Variants in EPC2 observed in about 807,000 individuals in gnomAD.
EPC2 encodes the protein enhancer of polycomb homolog 2.
In EPC2, 14 loss-of-function variants were observed where a neutral mutation model predicts 92.1. That is an observed-to-expected ratio of 0.15 (90% CI 0.10 to 0.24). The LOEUF (loss-of-function observed/expected upper bound fraction) is 0.24. Among genes scored for constraint, EPC2 ranks in the 10% least tolerant of loss-of-function variants. The probability of loss-of-function intolerance (pLI) is 1.00; values close to 1 mark genes in which losing one functional copy is unlikely to be tolerated. For missense variants in EPC2, 755 were observed against 971.5 expected (o/e 0.78, Z 2.96); for synonymous variants, 340 against 334.7 (o/e 1.02, Z -0.17).
At chr2:148,776,856 C>CTCTCT (rs1247135854) in intron 10 of EPC2, among the ~76,000 whole-genome samples, 64 of 101,036 alleles carry the variant, frequency 6.3e-4, no homozygotes, top group African/African-American at 2.2e-3. Flanking sequence ...GTCTCTCTCT[C>CTCTCT]TTTTTTTTTT....
At chr2:148,667,499 C>G (rs1445708884) in intron 1 of EPC2, among the ~76,000 whole-genome samples, 1 of 152,060 alleles carries the variant, frequency 6.6e-6, no homozygotes, top group African/African-American at 2.4e-5. Context: ...TTACTAAACT[C>G]ACTTATTCTA....
intron 1 of EPC2, among the ~76,000 whole-genome samples, chr2:148,684,040 A>T (rs1407953821): frequency 1.3e-5 from 2 of 152,140 alleles, no homozygotes; most frequent in African/African-American, 4.8e-5. Context: ...TTTAATTTTT[A>T]AATTATGGCC....
intron 2 of EPC2, among the ~76,000 whole-genome samples, chr2:148,724,390 G>A (rs1347505545): frequency 6.6e-6 from 1 of 152,012 alleles, no homozygotes; most frequent in Non-Finnish European, 1.5e-5. Flanking sequence ...TCTTTGTGGG[G>A]AACATTCAGT....
intron 2 of EPC2, among the ~76,000 whole-genome samples, chr2:148,696,619 T>G (rs1574588107): frequency 6.6e-6 from 1 of 152,334 alleles, no homozygotes; most frequent in African/African-American, 2.4e-5. Flanking sequence ...TGCATGATTC[T>G]TGGTCTTCAA....
chr2:148,755,471 A>T (rs1683171189), intron 4 of EPC2, among the ~76,000 whole-genome samples: 1 of 152,128 alleles, frequency 6.6e-6, no homozygotes. Context: ...TAAATATGTC[A>T]TATATATGTT....
intron 7 of EPC2, 121 bp from the exon 8 acceptor site, chr2:148,769,030 A>G: frequency 2.9e-6 from 2 of 685,590 alleles, no homozygotes; most frequent in Non-Finnish European, 5.1e-6. Context: ...GGAATTCAGT[A>G]CTTATGATAT....
intron 2 of EPC2, among the ~76,000 whole-genome samples, chr2:148,690,687 CAG>C (rs1054404922): frequency 4.0e-5 from 6 of 150,996 alleles, no homozygotes; most frequent in Admixed American, 1.3e-4. Flanking sequence ...TTCTTTGAGA[CAG>C]AGTCTCTCTG....
In EPC2 at chr2:148,786,382, A is replaced by G. The variant is rs1400271938; in HGVS notation, c.*5A>G. 6.2e-7 allele frequency: 1 copy of G among 1,604,676 alleles called. No individual in the cohort carries two copies. Among genetic ancestry groups the G allele is most frequent in the East Asian group, 2.2e-5 (1 of 44,664 alleles). On this transcript the variant is annotated 3_prime_UTR_variant, in exon 14 of 14. Transcript: ENST00000258484. The stretch of plus-strand genomic sequence containing the variant: ...GTAGCTATGGAAGTGACATAACCTA[A>G]AACACGTGGCTCTGACCTGTGCTGA...
chr2:148,731,609 C>T (rs750248245), intron 2 of EPC2, among the ~76,000 whole-genome samples: 1 of 152,118 alleles, frequency 6.6e-6, no homozygotes. Context: ...ACCATGTTGA[C>T]GAGGCTGATC....
chr2:148,687,843 G>A (rs1681560225), intron 1 of EPC2, among the ~76,000 whole-genome samples: 2 of 151,978 alleles, frequency 1.3e-5, no homozygotes, highest in South Asian at 2.1e-4. Flanking sequence ...GTAATTACTG[G>A]CAGAAGATCA....
At chr2:148,740,309 C>T (rs1395587067) in intron 2 of EPC2, among the ~76,000 whole-genome samples, 3 of 150,804 alleles carry the variant, frequency 2.0e-5, no homozygotes, top group African/African-American at 7.3e-5. Context: ...GAATTTTTAC[C>T]TCTGTCTGGT....
At position 148,690,396 on chromosome 2, in the gene EPC2, T is replaced by C. The variant is rs765377696; in HGVS notation, c.313+23T>C. On this transcript the variant is annotated intron_variant, in intron 2 of 13. Transcript: ENST00000258484. ...AGCGTAAGTTTGTTAATTCATTGTT[T>C]TCTGTTTGTACTTTAAATTTATCAA... The C allele has an allele frequency of 3.9e-6, 6 of 1,556,480 alleles. No individual in the cohort carries two copies. The South Asian group carries it at 7.3e-5, about 19-fold the overall frequency.
At chr2:148,732,965 TTC>T (rs1491461990) in intron 2 of EPC2, among the ~76,000 whole-genome samples, 2,719 of 147,182 alleles carry the variant, frequency 0.018, 95 homozygotes, top group East Asian at 0.023. Flanking sequence ...TTTTTTTTTT[TTC>T]CAGTTAATAA....
At chr2:148,721,046 G>A (rs1682362508) in intron 2 of EPC2, among the ~76,000 whole-genome samples, 1 of 152,050 alleles carries the variant, frequency 6.6e-6, no homozygotes, top group Non-Finnish European at 1.5e-5. Context: ...TCCTATTATT[G>A]TTTTGAACAA....
intron 1 of EPC2, among the ~76,000 whole-genome samples, chr2:148,655,468 C>A (rs750035764): frequency 6.6e-5 from 10 of 152,112 alleles, no homozygotes; most frequent in Non-Finnish European, 1.5e-4. Flanking sequence ...ACAGAATCTA[C>A]AGTTGGATCT....
chr2:148,765,207 T>A, intron 7 of EPC2, 61 bp downstream of exon 7: 5 of 1,205,956 alleles, frequency 4.1e-6, no homozygotes, highest in Non-Finnish European at 5.6e-6. Context: ...GCTATATTTT[T>A]AAAACAATTG....
chr2:148,735,864 C>G (rs1156847071), intron 2 of EPC2, among the ~76,000 whole-genome samples: 1 of 151,698 alleles, frequency 6.6e-6, no homozygotes, highest in Non-Finnish European at 1.5e-5. Context: ...TTTTTTTTAA[C>G]AGCTGATACT....
chr2:148,770,663 C>T (rs1055481502), intron 8 of EPC2, 129 bp from the exon 9 acceptor site: 59 of 1,049,668 alleles, frequency 5.6e-5, no homozygotes, highest in Non-Finnish European at 7.0e-5. Flanking sequence ...CCCACTTTTA[C>T]AGTTTTATAT....
chr2:148,646,609 TTTAA>T, intron 1 of EPC2, among the ~76,000 whole-genome samples: 1 of 151,582 alleles, frequency 6.6e-6, no homozygotes, highest in East Asian at 1.9e-4. Context: ...AACTTTTTTT[TTTAA>T]TTTGTTTCTA....
Sources: gnomAD v4.1 joint callset for allele counts (sites outside exome capture counted in the v4.1 genomes callset) on GRCh38, gnomAD v4.1.1 for gene constraint, MANE v1.5 for transcripts, NCBI Gene and HGNC (gene_info 2026-07-23, HGNC 2026-07-21) for gene names.